TRIM43: variants seen among roughly 807,000 people sequenced by gnomAD.
TRIM43 encodes the protein tripartite motif containing 43, also known as tripartite motif-containing protein 43.
TRIM43 carries 12 observed loss-of-function variants against 27.7 expected under a neutral mutation model. That is an observed-to-expected ratio of 0.43 (90% CI 0.28 to 0.70). The LOEUF (loss-of-function observed/expected upper bound fraction) is 0.70, where lower values mean the gene tolerates loss of function less well. Ranked by LOEUF, TRIM43 falls within the 30% of genes least tolerant of loss-of-function variation. The probability of loss-of-function intolerance (pLI) is 0.17; values close to 1 mark genes in which losing one functional copy is unlikely to be tolerated. For missense variants in TRIM43, 186 were observed against 356.5 expected, an observed-to-expected ratio of 0.52 and a Z score of 3.85; for synonymous variants, 64 against 121.9, an observed-to-expected ratio of 0.52 and a Z score of 3.13.
intron 1 of TRIM43, among the ~76,000 whole-genome samples, chr2:95,592,833 T>G (rs1017934470): frequency 2.0e-5 from 3 of 151,304 alleles, no homozygotes; most frequent in African/African-American, 7.3e-5. Context: ...GTTTTTATTT[T>G]TATTTGTATT....
chr2:95,595,726 T>C (rs972465227), intron 3 of TRIM43, among the ~76,000 whole-genome samples: 2 of 151,370 alleles, frequency 1.3e-5, no homozygotes, highest in African/African-American at 2.4e-5. Context: ...ACAGAGTCTA[T>C]GGATTTGACA....
Position 95,594,119 on chromosome 2 carries a change from C to G in TRIM43, c.96C>G (p.His32Gln). 1 of 1,612,940 alleles carries G rather than the reference C, an allele frequency of 6.2e-7. No homozygotes were observed. Among genetic ancestry groups the G allele is most frequent in the Non-Finnish European group, 8.5e-7 (1 of 1,179,644 alleles). Residue 32 changes from histidine to glutamine, a missense_variant, in exon 2 of 7, where the codon CAC becomes CAG. Physicochemically the swap from His to Gln is conservative, Grantham distance 24 (BLOSUM62 0). Coordinates refer to ENST00000272395, the MANE Select transcript of TRIM43 (RefSeq NM_138800.3). Reference sequence around the variant, plus strand: ...ACCCTGTCACCATCTGCTGTGGGCACAGCTTCTGTAGGCCCTGTCTCTGCC... The same window carrying G: ...ACCCTGTCACCATCTGCTGTGGGCAGAGCTTCTGTAGGCCCTGTCTCTGCC... ...LVDPVTICCG[H>Q]SFCRPCLCLS... is the part of the protein sequence containing the mutation.
At chr2:95,593,837 T>C (rs1685302471) in intron 1 of TRIM43, among the ~76,000 whole-genome samples, 183 bp from the exon 2 acceptor site, 1 of 151,892 alleles carries the variant, frequency 6.6e-6, no homozygotes, top group South Asian at 2.1e-4. Flanking sequence ...AGTCACTTTT[T>C]ATAGAGGTTG....
In TRIM43 at chr2:95,593,456, C is replaced by A. The variant is rs535777253; in HGVS notation, c.-4-564C>A. 1.2e-3 allele frequency among the ~76,000 whole-genome samples: 184 copies of A among 151,714 alleles called. 2 individuals are homozygous for A. Among genetic ancestry groups the A allele is most frequent in the African/African-American group, 3.8e-3 (157 of 41,356 alleles). On this transcript the variant is annotated intron_variant, in intron 1 of 6. Transcript: ENST00000272395. ...TTCTTAGCTTTACCTTGGAGAGGTG[C>A]CTTACCTTGATTTGACTGTTTTTCC...
Position 95,594,225 on chromosome 2 carries a change from ATTC to A in TRIM43, c.207_209del (p.Leu70del), listed in dbSNP as rs1333036927. 4 of 1,608,932 alleles carry A rather than the reference ATTC, an allele frequency of 2.5e-6. No individual in the cohort carries two copies. In the African/African-American group the frequency reaches 5.4e-5, roughly 22 times the overall value. On this transcript the variant is annotated inframe_deletion, in exon 2 of 7. Transcript: ENST00000272395. ...ACCGAAAATGGACTTCAAAACCAATATTCTTCTGAAGAATTTAGTGACCATTGC... is the reference window on the plus strand; with the variant it reads ...ACCGAAAATGGACTTCAAAACCAATATTCTGAAGAATTTAGTGACCATTGC...
intron 1 of TRIM43, among the ~76,000 whole-genome samples, chr2:95,592,429 G>A (rs1685264664): frequency 6.6e-6 from 1 of 151,524 alleles, no homozygotes; most frequent in South Asian, 2.1e-4. Context: ...GGAGTGCAGC[G>A]GCGCTCTTGG....
At position 95,594,377 on chromosome 2, in the gene TRIM43, T is replaced by G. The variant is rs772350114; in HGVS notation, c.354T>G (p.Ser118=). The G allele has an allele frequency of 1.1e-5, 18 of 1,610,810 alleles. 1 individual carries two copies. Among genetic ancestry groups the G allele is most frequent in the Non-Finnish European group, 1.4e-5 (17 of 1,179,524 alleles). The stretch of plus-strand genomic sequence containing the variant: ...TCCTCTGCTTGCTGTGCTCCAACTC[T>G]CAGGAGCACGGGGCTCACAAACACC... ...KSLLCLLCSN[S]QEHGAHKHHP... is the part of the protein sequence containing the mutation. The change falls in exon 2 of 7, where the codon TCT becomes TCG. Residue 118 remains serine (S), a synonymous_variant. Transcript: ENST00000272395.
chr2:95,593,587 T>C (rs1349784676), intron 1 of TRIM43, among the ~76,000 whole-genome samples: 2 of 151,882 alleles, frequency 1.3e-5, no homozygotes, highest in Non-Finnish European at 2.9e-5. Flanking sequence ...ATGGTTGTTA[T>C]AGTTAAATAA....
chr2:95,593,236 CTT>C (rs962942258), intron 1 of TRIM43, among the ~76,000 whole-genome samples: 2 of 151,904 alleles, frequency 1.3e-5, no homozygotes, highest in African/African-American at 4.8e-5. Context: ...GATACTTACT[CTT>C]TTCCTGACTG....
Position 95,594,029 on chromosome 2 carries a change from C to T in TRIM43, c.6C>T (p.Asp2=), listed in dbSNP as rs764711418. The T allele has an allele frequency of 5.0e-6, 8 of 1,612,846 alleles. No homozygotes were observed. Among genetic ancestry groups the T allele is most frequent in the Non-Finnish European group, 6.8e-6 (8 of 1,179,596 alleles). M[D]SDFSHAFQKE... is the part of the protein sequence containing the mutation. ...GGTTTTCTTTCCTTAGGAAAATGGA[C>T]TCAGACTTCTCACATGCCTTCCAGA... The change falls in exon 2 of 7, where the codon GAC becomes GAT. Residue 2 remains aspartate (D), a synonymous_variant. Transcript: ENST00000272395.
Position 95,594,448 on chromosome 2 carries a change from C to CT in TRIM43, c.411+15dup. On this transcript the variant is annotated intron_variant, in intron 2 of 6. Coordinates refer to ENST00000272395, the MANE Select transcript of TRIM43 (RefSeq NM_138800.3). ...GAGGAACACCGGGTAAGAGATAGCT[C>CT]TGTGATCACCTGAAAGCTGGAGGGT... 1 of 1,607,838 alleles carries CT rather than the reference C, an allele frequency of 6.2e-7. No individual in the cohort carries two copies.
chr2:95,593,894 G>T lies in TRIM43; in HGVS notation c.-4-126G>T, dbSNP rs1685303502. The T allele has an allele frequency of 2.6e-6, 4 of 1,510,302 alleles. No individual in the cohort carries two copies. In the Admixed American group the frequency reaches 9.3e-5, roughly 35 times the overall value. The allele number at this position is 1,510,302 out of a possible 1,614,324, so 93.6% of individuals were successfully genotyped here. A position where few individuals can be genotyped will look rare whatever the true frequency, so the allele number is the denominator to read the frequency against. On this transcript the variant is annotated intron_variant, in intron 1 of 6. Transcript: ENST00000272395. ...TTCTGTTTTTCCTATTTCTGTCATT[G>T]CAGATTAAAGCCTATACTTCTTTAG... is the stretch of plus-strand genomic sequence containing the variant.
chr2:95,592,304 T>G (rs1160567603), intron 1 of TRIM43, among the ~76,000 whole-genome samples, 155 bp downstream of exon 1: 2 of 151,804 alleles, frequency 1.3e-5, no homozygotes, highest in Non-Finnish European at 1.5e-5. Context: ...TTTTTTAAAA[T>G]TATTTTAAAC....
chr2:95,592,526 G>T (rs894620826), intron 1 of TRIM43, among the ~76,000 whole-genome samples: 1 of 151,268 alleles, frequency 6.6e-6, no homozygotes, highest in Middle Eastern at 3.4e-3. Context: ...CTGCCACCAC[G>T]CCCAGCTAAT....
chr2:95,595,384 A>G (rs567628631), intron 3 of TRIM43, among the ~76,000 whole-genome samples: 2 of 151,826 alleles, frequency 1.3e-5, no homozygotes. Context: ...ATTAATAAGT[A>G]TTTCAGACAG....
chr2:95,594,081 A>G lies in TRIM43; in HGVS notation c.58A>G (p.Asn20Asp), dbSNP rs1290780197. 2.5e-6 allele frequency: 4 copies of G among 1,612,980 alleles called. No homozygotes were observed. Among genetic ancestry groups the G allele is most frequent in the South Asian group, 2.2e-5 (2 of 91,006 alleles). ...QKELTCVICL[N>D]YLVDPVTICC... ...GGAACTCACCTGCGTCATCTGTTTG[A>G]ACTACCTGGTAGACCCTGTCACCAT... The change falls in exon 2 of 7, where the codon AAC becomes GAC. Residue 20 changes from asparagine to aspartate, a missense_variant. Transcript: ENST00000272395.
chr2:95,593,148 C>T (rs1174672448), intron 1 of TRIM43, among the ~76,000 whole-genome samples: 1 of 151,818 alleles, frequency 6.6e-6, no homozygotes, highest in African/African-American at 2.4e-5. Context: ...CTGCCTGCCT[C>T]AGCCACCTCG....
chr2:95,594,976 C>T (rs1394815106), intron 2 of TRIM43, 74 bp from the exon 3 acceptor site: 3 of 1,491,936 alleles, frequency 2.0e-6, no homozygotes, highest in Non-Finnish European at 1.8e-6. Flanking sequence ...TATCCCTTGC[C>T]TGTGTATACC....
In TRIM43 at chr2:95,595,092, C is replaced by G. The variant is rs1391834495; in HGVS notation, c.454C>G (p.Gln152Glu). ...KQMRILWKKI[Q>E]ENQRNLYEEG... ...AATGAGGATTTTATGGAAAAAGATTCAAGAAAATCAGAGAAATCTATATGA... is the reference window on the plus strand; with the variant it reads ...AATGAGGATTTTATGGAAAAAGATTGAAGAAAATCAGAGAAATCTATATGA... Residue 152 changes from glutamine to glutamate, a missense_variant, in exon 3 of 7, where the codon CAA becomes GAA. Transcript: ENST00000272395. The G allele has an allele frequency of 3.7e-6, 6 of 1,612,140 alleles. No homozygotes were observed. The highest frequency in any genetic ancestry group is 5.1e-6 in the Non-Finnish European group (6 of 1,179,030).
Sources: gnomAD v4.1 joint callset for allele counts (sites outside exome capture counted in the v4.1 genomes callset) on GRCh38, gnomAD v4.1.1 for gene constraint, MANE v1.5 for transcripts, NCBI Gene and HGNC (gene_info 2026-07-23, HGNC 2026-07-21) for gene names.